The following FSTL5 variants were observed in gnomAD, a reference collection of about 807,000 sequenced individuals.
FSTL5 encodes follistatin like 5.
A neutral mutation model predicts 89.1 loss-of-function variants in FSTL5; 62 were observed. The ratio of observed to expected loss-of-function variants is 0.70; its 90% CI spans 0.57 to 0.86. The LOEUF (loss-of-function observed/expected upper bound fraction) is 0.86. Ranked by LOEUF, FSTL5 falls within the 40% of genes least tolerant of loss-of-function variation. The pLI, the probability that FSTL5 is intolerant of heterozygous loss-of-function variation, is 0.00. For synonymous variants in FSTL5, 383 were observed against 346.2 expected, an observed-to-expected ratio of 1.11 and a Z score of -1.18; for missense variants, 1,057 against 1,001.6, an observed-to-expected ratio of 1.06 and a Z score of -0.75.
At chr4:162,086,142 A>T (rs1730307888) in intron 2 of FSTL5, among the ~76,000 whole-genome samples, 1 of 152,020 alleles carries the variant, frequency 6.6e-6, no homozygotes, top group Non-Finnish European at 1.5e-5. Context: ...AGCCATTATC[A>T]GAATGCATTC....
chr4:161,591,442 A>G (rs1485492135), intron 7 of FSTL5, among the ~76,000 whole-genome samples: 3 of 152,332 alleles, frequency 2.0e-5, no homozygotes, highest in Non-Finnish European at 2.9e-5. Context: ...GCACACTTCG[A>G]ATGGATTAAT....
chr4:162,136,223 A>G (rs1271797207), intron 1 of FSTL5, among the ~76,000 whole-genome samples: 1 of 152,100 alleles, frequency 6.6e-6, no homozygotes, highest in African/African-American at 2.4e-5. Flanking sequence ...TATGTACCAA[A>G]ACATCTCAAC....
At chr4:161,801,067 T>C (rs1391846412) in intron 4 of FSTL5, among the ~76,000 whole-genome samples, 1 of 151,548 alleles carries the variant, frequency 6.6e-6, no homozygotes, top group Non-Finnish European at 1.5e-5. Flanking sequence ...TATTAGACGG[T>C]GAAAAGTGCT....
At chr4:161,694,587 A>G (rs1223396078) in intron 6 of FSTL5, among the ~76,000 whole-genome samples, 1 of 152,092 alleles carries the variant, frequency 6.6e-6, no homozygotes, top group East Asian at 1.9e-4. Flanking sequence ...TAAAATAGTT[A>G]AGAATGTTAA....
chr4:161,993,189 A>G (rs76292453), intron 3 of FSTL5, among the ~76,000 whole-genome samples: 23,571 of 151,304 alleles, frequency 0.16, 1,971 homozygotes, highest in East Asian at 0.21. Context: ...ATGGTTGTAT[A>G]CAAATCAAAA....
intron 2 of FSTL5, among the ~76,000 whole-genome samples, chr4:162,087,591 T>C (rs1004290143): frequency 6.6e-6 from 1 of 152,168 alleles, no homozygotes; most frequent in African/African-American, 2.4e-5. Flanking sequence ...CCCTCACTTG[T>C]TGTAGAAATC....
chr4:161,847,285 C>T (rs1400390973), intron 4 of FSTL5, among the ~76,000 whole-genome samples: 2 of 152,104 alleles, frequency 1.3e-5, no homozygotes, highest in African/African-American at 4.8e-5. Flanking sequence ...CTTATAATTA[C>T]ACTAAATAAC....
At chr4:161,488,069 A>C (rs1729742017) in intron 12 of FSTL5, among the ~76,000 whole-genome samples, 1 of 152,118 alleles carries the variant, frequency 6.6e-6, no homozygotes, top group Non-Finnish European at 1.5e-5. Flanking sequence ...AAATACATTA[A>C]ATGATTTGGT....
chr4:161,491,335 A>C (rs895409381), intron 12 of FSTL5, among the ~76,000 whole-genome samples: 2 of 152,020 alleles, frequency 1.3e-5, no homozygotes, highest in Non-Finnish European at 1.5e-5. Context: ...GCTATTAGAT[A>C]TCTTTTGTGA....
At chr4:161,625,890 C>T (rs1021486566) in intron 7 of FSTL5, among the ~76,000 whole-genome samples, 2 of 152,086 alleles carry the variant, frequency 1.3e-5, no homozygotes, top group African/African-American at 4.8e-5. Context: ...GATAGAAGAT[C>T]AAACCACCCA....
chr4:161,973,742 C>CT (rs761440822), intron 3 of FSTL5, among the ~76,000 whole-genome samples: 49 of 152,122 alleles, frequency 3.2e-4, no homozygotes, highest in Non-Finnish European at 5.6e-4. Flanking sequence ...AATCTTAACT[C>CT]TGTGTGCTGT....
At chr4:161,930,080 G>A (rs1734245592) in intron 3 of FSTL5, among the ~76,000 whole-genome samples, 2 of 151,578 alleles carry the variant, frequency 1.3e-5, no homozygotes, top group African/African-American at 4.8e-5. Context: ...AGTTTTTCTG[G>A]CCTTGAGTCA....
chr4:162,140,787 T>C (rs933996466), intron 1 of FSTL5, among the ~76,000 whole-genome samples: 9 of 152,302 alleles, frequency 5.9e-5, no homozygotes, highest in Non-Finnish European at 1.3e-4. Context: ...AGGTTTGACA[T>C]GTATTCTGAT....
At chr4:161,528,377 G>T (rs1424133310) in intron 10 of FSTL5, among the ~76,000 whole-genome samples, 1 of 142,958 alleles carries the variant, frequency 7.0e-6, no homozygotes, top group East Asian at 2.4e-4. Context: ...TGCACATATA[G>T]TTGGGATATA....
chr4:161,456,375 T>C (rs1303900194), intron 14 of FSTL5, among the ~76,000 whole-genome samples: 3 of 152,208 alleles, frequency 2.0e-5, no homozygotes, highest in African/African-American at 2.4e-5. Context: ...TCTAAAATTA[T>C]GACACCTAGT....
Position 161,759,665 on chromosome 4 carries a change from A to G in FSTL5, c.607-134T>C, listed in dbSNP as rs186436628. 286 of 481,264 alleles carry G rather than the reference A, an allele frequency of 5.9e-4. No individual in the cohort carries two copies. The Middle Eastern group carries it at 6.7e-3, about 11-fold the overall frequency. 29.8% of individuals were successfully genotyped at this position (481,264 alleles called of 1,614,324 possible). A position where few individuals can be genotyped will look rare whatever the true frequency, so the allele number is the denominator to read the frequency against. On this transcript the variant is annotated intron_variant, in intron 5 of 15. Coordinates refer to ENST00000306100, the MANE Select transcript of FSTL5 (RefSeq NM_020116.5). ...GGGCAAAAAACTCAATTTTGGAAAA[A>G]TCCAGGTTTTTAGTTACTGAACAAT...
chr4:161,927,376 T>TA (rs1321824946), intron 3 of FSTL5, among the ~76,000 whole-genome samples: 1 of 151,748 alleles, frequency 6.6e-6, no homozygotes, highest in East Asian at 1.9e-4. Flanking sequence ...TGCAATGATT[T>TA]AAAAAATTAA....
At chr4:161,646,506 G>A (rs1736159604) in intron 7 of FSTL5, among the ~76,000 whole-genome samples, 1 of 151,822 alleles carries the variant, frequency 6.6e-6, no homozygotes, top group African/African-American at 2.4e-5. Flanking sequence ...TATTAAGAAT[G>A]TAATGACATA....
At chr4:161,856,011 G>T (rs1367963020) in intron 4 of FSTL5, among the ~76,000 whole-genome samples, 2 of 151,940 alleles carry the variant, frequency 1.3e-5, no homozygotes, top group East Asian at 1.9e-4. Flanking sequence ...ATTTTTAAGG[G>T]TTTATATGCA....
Sources: allele counts gnomAD v4.1 joint callset (sites outside exome capture counted in the v4.1 genomes callset), GRCh38; gene constraint gnomAD v4.1.1; transcripts MANE v1.5; gene names NCBI Gene and HGNC (gene_info 2026-07-23, HGNC 2026-07-21).